Variants in ARHGEF12 observed in about 807,000 individuals in gnomAD.
ARHGEF12 encodes Rho guanine nucleotide exchange factor 12.
ARHGEF12 carries 66 observed loss-of-function variants against 211.2 expected under a neutral mutation model. That is an observed-to-expected ratio of 0.31 (90% CI 0.26 to 0.38). The LOEUF (loss-of-function observed/expected upper bound fraction) is 0.38, where lower values mean the gene tolerates loss of function less well. Among genes scored for constraint, ARHGEF12 ranks in the 10% least tolerant of loss-of-function variants. The pLI, the probability that ARHGEF12 is intolerant of heterozygous loss-of-function variation, is 1.00. For synonymous variants in ARHGEF12, 592 were observed against 638.4 expected, an observed-to-expected ratio of 0.93 and a Z score of 1.09; for missense variants, 1,429 against 1,869.5, an observed-to-expected ratio of 0.76 and a Z score of 4.34.
At chr11:120,438,659 C>T (rs1685974458) in intron 12 of ARHGEF12, 1 of 152,168 alleles carries the variant, frequency 6.6e-6, no homozygotes, top group South Asian at 2.1e-4. Flanking sequence ...GCAAATGACT[C>T]TCAAATCATA....
intron 15 of ARHGEF12, among the ~76,000 whole-genome samples, chr11:120,444,952 T>C (rs1946000087): frequency 6.6e-6 from 1 of 152,164 alleles, no homozygotes; most frequent in Non-Finnish European, 1.5e-5. Context: ...AAACTTTACA[T>C]AGGAAAACGA....
chr11:120,459,459 G>A, intron 26 of ARHGEF12, 139 bp downstream of exon 26: 1 of 915,930 alleles, frequency 1.1e-6, no homozygotes, highest in Non-Finnish European at 1.6e-6. Context: ...AGGAATGATT[G>A]GAACTTTGAC....
At chr11:120,392,320 T>A (rs1373492678) in intron 1 of ARHGEF12, among the ~76,000 whole-genome samples, 1 of 152,198 alleles carries the variant, frequency 6.6e-6, no homozygotes, top group Non-Finnish European at 1.5e-5. Context: ...ACTAAATTAA[T>A]GTATTTAGTC....
Position 120,337,099 on chromosome 11 carries a change from G to A in ARHGEF12, c.-145G>A. On this transcript the variant is annotated 5_prime_UTR_variant, in exon 1 of 41. It removes an upstream start codon present in the reference 5' UTR. Transcript: ENST00000397843. ...ATCCGTTGACCCCTTACAGTCGGAT[G>A]GTCTAGATGACTGAATGGAGTTTTG... 1.1e-6 allele frequency: 1 copy of A among 911,100 alleles called. No homozygotes were observed. The allele number at this position is 911,100 out of a possible 1,614,324, so 56.4% of individuals were successfully genotyped here.
In ARHGEF12 at chr11:120,469,434, T is replaced by G. The variant is rs750112751; in HGVS notation, c.2955+46T>G. 1.1e-5 allele frequency: 16 copies of G among 1,418,324 alleles called. No homozygotes were observed. The Admixed American group carries it at 3.2e-4, about 29-fold the overall frequency. The allele number at this position is 1,418,324 out of a possible 1,614,324, so 87.9% of individuals were successfully genotyped here. A position where few individuals can be genotyped will look rare whatever the true frequency, so the allele number is the denominator to read the frequency against. The stretch of plus-strand genomic sequence containing the variant: ...GGTACAGGATGACATTGGGAGAACA[T>G]TAAATTAATATTACCTGGAATCTGT... On this transcript the variant is annotated intron_variant, in intron 30 of 40. Coordinates refer to ENST00000397843, the MANE Select transcript of ARHGEF12 (RefSeq NM_015313.3).
At chr11:120,407,678 A>T in intron 2 of ARHGEF12, 60 bp from the exon 3 acceptor site, 1 of 1,343,258 alleles carries the variant, frequency 7.4e-7, no homozygotes, top group Non-Finnish European at 1.1e-6. Context: ...TTAGAATTTT[A>T]AATTTTTTAT....
chr11:120,444,697 CTT>C (rs1238466895), intron 15 of ARHGEF12, among the ~76,000 whole-genome samples: 6 of 152,120 alleles, frequency 3.9e-5, no homozygotes, highest in African/African-American at 1.4e-4. Flanking sequence ...GATATTTTCT[CTT>C]AATGCAAAAT....
Position 120,475,500 on chromosome 11 carries a change from G to A in ARHGEF12, c.3270G>A (p.Val1090=). 6.2e-7 allele frequency: 1 copy of A among 1,613,362 alleles called. No homozygotes were observed. The highest frequency in any genetic ancestry group is 8.5e-7 in the Non-Finnish European group (1 of 1,179,736). The change falls in exon 33 of 41, where the codon GTG becomes GTA. Residue 1090 remains valine, a synonymous_variant. Transcript: ENST00000397843. ...TGAGTACAGTGTTGGTTCGACAAGT[G>A]GCAACAGGCAAGTATGTCCACTGAA... The part of the protein sequence containing the change: ...IKLSTVLVRQ[V]ATDNKALFVI...
At chr11:120,479,254 T>G (rs1947159050) in intron 37 of ARHGEF12, among the ~76,000 whole-genome samples, 1 of 152,170 alleles carries the variant, frequency 6.6e-6, no homozygotes, top group African/African-American at 2.4e-5. Context: ...ATGAGAGACC[T>G]AAGTGGAACC....
At position 120,407,832 on chromosome 11, in the gene ARHGEF12, C is replaced by CTATT. The variant is rs1392171670; in HGVS notation, c.142+10_142+13dup. 5 of 1,609,276 alleles carry CTATT rather than the reference C, an allele frequency of 3.1e-6. No individual in the cohort carries two copies. The South Asian group carries it at 4.4e-5, about 14-fold the overall frequency. ...TGATTTTGACCCCACAGGTAAAACA[C>CTATT]TATTCATTCTTTCAAAGAGTATTGA... On this transcript the variant is annotated intron_variant, in intron 3 of 40. Transcript: ENST00000397843.
intron 30 of ARHGEF12, among the ~76,000 whole-genome samples, chr11:120,471,785 A>G (rs1353093177): frequency 6.6e-6 from 1 of 152,198 alleles, no homozygotes; most frequent in Non-Finnish European, 1.5e-5. Flanking sequence ...TAGAATATAG[A>G]TGGTAATATA....
intron 22 of ARHGEF12, among the ~76,000 whole-genome samples, chr11:120,454,958 C>T (rs1003823061): frequency 6.6e-6 from 1 of 152,158 alleles, no homozygotes; most frequent in African/African-American, 2.4e-5. Flanking sequence ...AATTAGGCTC[C>T]ACCCCTGAGG....
At chr11:120,474,782 CTTGTG>C in intron 32 of ARHGEF12, 147 bp downstream of exon 32, 1 of 587,544 alleles carries the variant, frequency 1.7e-6, no homozygotes, top group Non-Finnish European at 3.0e-6. Context: ...TGTAGATCTG[CTTGTG>C]TTATTTCATT....
At chr11:120,337,488 C>G (rs1942387414) in intron 1 of ARHGEF12, 1 of 985,242 alleles carries the variant, frequency 1.0e-6, no homozygotes, top group African/African-American at 1.7e-5. Flanking sequence ...ACTTCCCTTC[C>G]GATTCTCAGA....
At chr11:120,474,730 C>G in intron 32 of ARHGEF12, 95 bp downstream of exon 32, 1 of 929,640 alleles carries the variant, frequency 1.1e-6, no homozygotes, top group East Asian at 2.5e-5. Context: ...GAGAACCATT[C>G]TCTCAGCAGT....
At chr11:120,389,511 A>G (rs544491875) in intron 1 of ARHGEF12, among the ~76,000 whole-genome samples, 1 of 152,308 alleles carries the variant, frequency 6.6e-6, no homozygotes, top group East Asian at 1.9e-4. Context: ...TTTATGGATT[A>G]CATCAGATAT....
chr11:120,447,039 G>C lies in ARHGEF12; in HGVS notation c.1543G>C (p.Glu515Gln). ...CAAGGACCGATTGACTTTGGAGAAGGAGCGGACATGTGCAGAACAGATTGT... is the reference window on the plus strand; with the variant it reads ...CAAGGACCGATTGACTTTGGAGAAGCAGCGGACATGTGCAGAACAGATTGT... ...RDKDRLTLEK[E>Q]RTCAEQIVAK... Residue 515 changes from glutamate (E) to glutamine (Q), a missense_variant, in exon 18 of 41, where the codon GAG becomes CAG. Coordinates refer to ENST00000397843, the MANE Select transcript of ARHGEF12 (RefSeq NM_015313.3). 1 of 1,614,190 alleles carries C rather than the reference G, an allele frequency of 6.2e-7. No individual in the cohort carries two copies. Among genetic ancestry groups the C allele is most frequent in the Non-Finnish European group, 8.5e-7 (1 of 1,180,034 alleles).
Position 120,363,086 on chromosome 11 carries a change from C to G in ARHGEF12, c.32+25811C>G, listed in dbSNP as rs192950984. ...CTGCACTCCAGCCTTGGCAACAGAG[C>G]GAGACTCCGTCTCAAAAAATAAAAA... On this transcript the variant is annotated intron_variant, in intron 1 of 40. Coordinates refer to ENST00000397843, the MANE Select transcript of ARHGEF12 (RefSeq NM_015313.3). Among the ~76,000 whole-genome samples, 1,189 of 152,090 alleles carry G rather than the reference C, an allele frequency of 7.8e-3. 14 individuals are homozygous for G. Among genetic ancestry groups the G allele is most frequent in the African/African-American group, 0.026 (1,067 of 41,470 alleles).
In ARHGEF12 at chr11:120,465,220, T is replaced by C; in HGVS notation, c.2614-17T>C. On this transcript the variant is annotated splice_polypyrimidine_tract_variant and intron_variant, in intron 27 of 40. Coordinates refer to ENST00000397843, the MANE Select transcript of ARHGEF12 (RefSeq NM_015313.3). ...AGTTTCCCATTCTCTTTTGTGTTCT[T>C]TGCATTCTTGGCACAGTTCAGCGGA... 6.2e-7 allele frequency: 1 copy of C among 1,613,712 alleles called. No homozygotes were observed. Among genetic ancestry groups the C allele is most frequent in the Non-Finnish European group, 8.5e-7 (1 of 1,179,894 alleles).
Sources: allele counts gnomAD v4.1 joint callset (sites outside exome capture counted in the v4.1 genomes callset), GRCh38; gene constraint gnomAD v4.1.1; transcripts MANE v1.5; gene names NCBI Gene and HGNC (gene_info 2026-07-23, HGNC 2026-07-21).